The following TWF2 variants were observed in gnomAD, a reference collection of about 807,000 sequenced individuals.
TWF2 encodes the protein twinfilin-2.
TWF2 carries 15 observed loss-of-function variants against 45.1 expected under a neutral mutation model. The observed-to-expected ratio is 0.33, with a 90% CI of 0.22 to 0.51. The LOEUF is 0.51. Ranked by LOEUF, TWF2 falls within the 20% of genes least tolerant of loss-of-function variation. TWF2 has a pLI of 0.97. For synonymous variants in TWF2, 177 were observed against 195.8 expected (o/e 0.90, Z 0.80); for missense variants, 423 against 469.1 (o/e 0.90, Z 0.91).
chr3:52,231,883 G>C (rs578251750), intron 3 of TWF2, 61 bp downstream of exon 3: 20 of 1,572,938 alleles, frequency 1.3e-5, no homozygotes, highest in Non-Finnish European at 1.7e-5. Context: ...CCCAGGGCAA[G>C]GCCTTGTTGC....
rs1194834013 is a variant in TWF2 at position 52,229,909 on chromosome 3, T to C, written c.760+11A>G. On this transcript the variant is annotated intron_variant, in intron 7 of 8. Transcript: ENST00000305533. ...AGCCACAGGCTTGGGAGCCCTGCCATGGCCACTCACCTACAGACTCAAGGG... is the reference window on the plus strand; with the variant it reads ...AGCCACAGGCTTGGGAGCCCTGCCACGGCCACTCACCTACAGACTCAAGGG... The C allele has an allele frequency of 6.2e-7, 1 of 1,603,108 alleles. No homozygotes were observed.
Position 52,229,092 on chromosome 3 carries a change from C to T in TWF2, c.992G>A (p.Gly331Asp). The stretch of plus-strand genomic sequence containing the variant: ...GATGAGGCGCTTATGGCCCCGCTTG[C>T]CCCCTGGGCCCTTGGGCTTGGCGAA... ...QAFAKPKGPG[G>D]KRGHKRLIRG... Residue 331 changes from glycine to aspartate, a missense_variant, in exon 9 of 9, where the codon GGC becomes GAC. Transcript: ENST00000305533. 1 of 1,613,280 alleles carries T rather than the reference C, an allele frequency of 6.2e-7. No individual in the cohort carries two copies. Among genetic ancestry groups the T allele is most frequent in the Non-Finnish European group, 8.5e-7 (1 of 1,180,032 alleles).
intron 2 of TWF2, among the ~76,000 whole-genome samples, chr3:52,234,016 T>C (rs768781260): frequency 1.2e-4 from 17 of 141,498 alleles, no homozygotes; most frequent in Non-Finnish European, 2.4e-4. Flanking sequence ...TTTTTAAGGG[T>C]GGGGTGGCTG....
chr3:52,238,905 G>A lies in TWF2; in HGVS notation c.25+87C>T. 5 of 1,499,672 alleles carry A rather than the reference G, an allele frequency of 3.3e-6. No individual in the cohort carries two copies. The South Asian group carries it at 3.6e-5, about 11-fold the overall frequency. 92.9% of individuals were successfully genotyped at this position (1,499,672 alleles called of 1,614,324 possible). On this transcript the variant is annotated intron_variant, in intron 1 of 8. Coordinates refer to ENST00000305533, the MANE Select transcript of TWF2 (RefSeq NM_007284.4). ...CAGGAAGCTTTCTCCCGGCTGGTGT[G>A]GGGTGGAGGGAGGGGCCGAGAGCCG...
chr3:52,229,645 T>C lies in TWF2; in HGVS notation c.882+16A>G. 1 of 1,612,828 alleles carries C rather than the reference T, an allele frequency of 6.2e-7. No homozygotes were observed. The highest frequency in any genetic ancestry group is 1.3e-5 in the African/African-American group (1 of 75,046). ...GATAGGGCCTGGGGAGGTGAGGCCC[T>C]GGGGAGGGCGCCTACTTTCTTGGCG... On this transcript the variant is annotated intron_variant, in intron 8 of 8. Coordinates refer to ENST00000305533, the MANE Select transcript of TWF2 (RefSeq NM_007284.4).
chr3:52,233,776 CAGTG>C (rs1279624734), intron 2 of TWF2, among the ~76,000 whole-genome samples: 1 of 151,914 alleles, frequency 6.6e-6, no homozygotes, highest in African/African-American at 2.4e-5. Flanking sequence ...TAGCCGGGCG[CAGTG>C]GTGGTCGCCT....
chr3:52,233,395 C>T (rs943727822), intron 2 of TWF2, among the ~76,000 whole-genome samples: 2 of 152,244 alleles, frequency 1.3e-5, no homozygotes, highest in Admixed American at 6.5e-5. Flanking sequence ...CCCTACAGCA[C>T]TGTCAACATT....
At chr3:52,232,416 C>CCAGCCTGGATCTA in intron 2 of TWF2, among the ~76,000 whole-genome samples, 1 of 152,146 alleles carries the variant, frequency 6.6e-6, no homozygotes, top group Admixed American at 6.5e-5. Context: ...CACAAAGACA[C>CCAGCCTGGATCTA]GCAGCCGTCA....
intron 2 of TWF2, among the ~76,000 whole-genome samples, chr3:52,232,828 C>A (rs375221470): frequency 2.6e-4 from 39 of 152,304 alleles, no homozygotes; most frequent in African/African-American, 9.1e-4. Flanking sequence ...ACCACCCTGA[C>A]CAACATGGAG....
chr3:52,238,564 C>A (rs531112659), intron 1 of TWF2, among the ~76,000 whole-genome samples: 1 of 152,174 alleles, frequency 6.6e-6, no homozygotes, highest in Non-Finnish European at 1.5e-5. Context: ...GGGTCCTATG[C>A]GACCTACAGT....
chr3:52,236,195 G>A (rs1257392249), intron 1 of TWF2, among the ~76,000 whole-genome samples: 1 of 152,052 alleles, frequency 6.6e-6, no homozygotes, highest in Non-Finnish European at 1.5e-5. Flanking sequence ...CAGCTACTCG[G>A]GAGGCTGAGG....
In TWF2 at chr3:52,228,863, A is replaced by C; in HGVS notation, c.*171T>G. The C allele has an allele frequency of 2.1e-6, 2 of 952,938 alleles. No individual in the cohort carries two copies. Among genetic ancestry groups the C allele is most frequent in the Non-Finnish European group, 3.0e-6 (2 of 660,530 alleles). The allele number at this position is 952,938 out of a possible 1,614,324, so 59.0% of individuals were successfully genotyped here. ...CGAGATGCAGGGACAGCAACAGGGAAGGGTCACAAAATGCCAGCCCGGTGG... is the reference window on the plus strand; with the variant it reads ...CGAGATGCAGGGACAGCAACAGGGACGGGTCACAAAATGCCAGCCCGGTGG... On this transcript the variant is annotated 3_prime_UTR_variant, in exon 9 of 9. Transcript: ENST00000305533.
chr3:52,232,333 C>G (rs966130957), intron 2 of TWF2: 2 of 616,164 alleles, frequency 3.2e-6, no homozygotes, highest in Non-Finnish European at 5.6e-6. Context: ...GGCTGCCCCC[C>G]TGCACATCCC....
intron 1 of TWF2, among the ~76,000 whole-genome samples, chr3:52,237,754 C>T (rs951924285): frequency 6.6e-6 from 1 of 152,318 alleles, no homozygotes; most frequent in Non-Finnish European, 1.5e-5. Context: ...GAGCCCTGGC[C>T]CTGACCCAGG....
At chr3:52,233,490 C>G (rs947990536) in intron 2 of TWF2, among the ~76,000 whole-genome samples, 3 of 152,252 alleles carry the variant, frequency 2.0e-5, no homozygotes, top group Admixed American at 6.5e-5. Context: ...ATCAGGCCCT[C>G]TGGCCACACT....
chr3:52,238,515 T>A lies in TWF2; in HGVS notation c.25+477A>T, dbSNP rs1485835397. Reference sequence around the variant, plus strand: ...CTGTGCACACACACAGACACCCACATACATGTGCACACTGCCATGAAACAC... The same window carrying A: ...CTGTGCACACACACAGACACCCACAAACATGTGCACACTGCCATGAAACAC... On this transcript the variant is annotated intron_variant, in intron 1 of 8. Coordinates refer to ENST00000305533, the MANE Select transcript of TWF2 (RefSeq NM_007284.4). 2.0e-5 allele frequency among the ~76,000 whole-genome samples: 3 copies of A among 152,150 alleles called. No homozygotes were observed. The East Asian group carries it at 5.8e-4, about 29-fold the overall frequency.
chr3:52,234,222 A>C (rs1699705024), intron 2 of TWF2, among the ~76,000 whole-genome samples: 1 of 152,138 alleles, frequency 6.6e-6, no homozygotes, highest in Non-Finnish European at 1.5e-5. Flanking sequence ...GCAGCCATCC[A>C]AAGTGCCTGC....
intron 2 of TWF2, among the ~76,000 whole-genome samples, chr3:52,234,817 C>T (rs146726703): frequency 1.9e-3 from 295 of 152,342 alleles, no homozygotes; most frequent in Admixed American, 3.1e-3. Flanking sequence ...ACCCCAGCTT[C>T]GGCTTCCTGC....
chr3:52,233,770 C>A (rs893697594), intron 2 of TWF2, among the ~76,000 whole-genome samples: 9 of 151,958 alleles, frequency 5.9e-5, no homozygotes, highest in African/African-American at 2.2e-4. Flanking sequence ...CAAAATTAGC[C>A]GGGCGCAGTG....
Sources: gnomAD v4.1 joint callset for allele counts (sites outside exome capture counted in the v4.1 genomes callset) on GRCh38, gnomAD v4.1.1 for gene constraint, MANE v1.5 for transcripts, NCBI Gene and HGNC (gene_info 2026-07-23, HGNC 2026-07-21) for gene names.